The following LGR4 variants were observed in gnomAD, a reference collection of about 807,000 sequenced individuals.
LGR4 encodes the protein leucine rich repeat containing G protein-coupled receptor 4.
In LGR4, 44 loss-of-function variants were observed where a neutral mutation model predicts 84.8. The observed-to-expected ratio is 0.52, with a 90% CI of 0.41 to 0.67. The LOEUF (loss-of-function observed/expected upper bound fraction) is 0.67. LGR4 is among the 30% of genes least tolerant of loss of function. The pLI, the probability that LGR4 is intolerant of heterozygous loss-of-function variation, is 0.00. For missense variants in LGR4, 1,032 were observed against 1,131.4 expected, an observed-to-expected ratio of 0.91 and a Z score of 1.26; for synonymous variants, 429 against 434.3, an observed-to-expected ratio of 0.99 and a Z score of 0.15.
chr11:27,429,019 T>C (rs1054791195), intron 1 of LGR4, among the ~76,000 whole-genome samples: 2 of 151,750 alleles, frequency 1.3e-5, no homozygotes, highest in Non-Finnish European at 2.9e-5. Context: ...CAGCAGGGAG[T>C]TGTAACTTCA....
intron 1 of LGR4, among the ~76,000 whole-genome samples, chr11:27,457,587 C>CT (rs1275995261): frequency 1.3e-5 from 2 of 152,192 alleles, no homozygotes; most frequent in African/African-American, 4.8e-5. Context: ...TCACCACAGT[C>CT]TAAGACATTA....
chr11:27,392,172 G>A (rs1863297780), intron 3 of LGR4, among the ~76,000 whole-genome samples: 1 of 152,040 alleles, frequency 6.6e-6, no homozygotes, highest in African/African-American at 2.4e-5. Flanking sequence ...CTGAAGTAAG[G>A]GTTTGCTCCA....
intron 17 of LGR4, among the ~76,000 whole-genome samples, chr11:27,370,647 G>A (rs369354737): frequency 1.3e-5 from 2 of 152,150 alleles, no homozygotes; most frequent in Non-Finnish European, 2.9e-5. Flanking sequence ...GCTCAGACCA[G>A]CTTTCCTCCT....
At chr11:27,453,542 T>C (rs1462055652) in intron 1 of LGR4, among the ~76,000 whole-genome samples, 2 of 152,168 alleles carry the variant, frequency 1.3e-5, no homozygotes, top group Non-Finnish European at 2.9e-5. Context: ...TAACATTACC[T>C]GACCTTTTAT....
chr11:27,391,673 A>C (rs1863286729), intron 3 of LGR4, among the ~76,000 whole-genome samples: 1 of 116,878 alleles, frequency 8.6e-6, no homozygotes, highest in Non-Finnish European at 2.0e-5. Flanking sequence ...TCCTCAATGC[A>C]TGTGGGGCCA....
intron 1 of LGR4, among the ~76,000 whole-genome samples, chr11:27,415,148 T>A (rs898141935): frequency 1.3e-5 from 2 of 152,064 alleles, no homozygotes; most frequent in East Asian, 3.9e-4. Flanking sequence ...AAAATAATGA[T>A]CCAAAATGAG....
intron 1 of LGR4, among the ~76,000 whole-genome samples, chr11:27,413,225 TA>T (rs1444713083): frequency 6.6e-6 from 1 of 152,064 alleles, no homozygotes; most frequent in African/African-American, 2.4e-5. Flanking sequence ...CTAGGAACGA[TA>T]TGTAGAATTT....
chr11:27,381,447 C>G (rs574092377), intron 7 of LGR4, among the ~76,000 whole-genome samples: 1 of 152,302 alleles, frequency 6.6e-6, no homozygotes, highest in East Asian at 1.9e-4. Flanking sequence ...GTAATCCCAG[C>G]ATTCTGAGGG....
intron 2 of LGR4, among the ~76,000 whole-genome samples, chr11:27,410,662 C>T (rs1327129841): frequency 6.6e-6 from 1 of 152,036 alleles, no homozygotes; most frequent in Non-Finnish European, 1.5e-5. Flanking sequence ...AATAAATTCT[C>T]TTGAGTGCCT....
chr11:27,453,429 T>C (rs1477052508), intron 1 of LGR4, among the ~76,000 whole-genome samples: 2 of 151,956 alleles, frequency 1.3e-5, no homozygotes, highest in Admixed American at 6.5e-5. Context: ...CCTATAGATA[T>C]TGACTAATTA....
chr11:27,379,134 TTC>T (rs1479260167), intron 10 of LGR4: 5 of 204,300 alleles, frequency 2.4e-5, no homozygotes, highest in African/African-American at 1.2e-4. Context: ...CAAATCTTGT[TTC>T]TGTCTTTTCT....
intron 6 of LGR4, 122 bp downstream of exon 6, chr11:27,384,214 T>C: frequency 1.5e-6 from 1 of 660,434 alleles, no homozygotes; most frequent in Non-Finnish European, 2.7e-6. Flanking sequence ...TTTAATCCAG[T>C]ATCAAAGTGA....
chr11:27,395,398 C>T (rs547680277), intron 2 of LGR4, among the ~76,000 whole-genome samples: 1 of 151,626 alleles, frequency 6.6e-6, no homozygotes, highest in Non-Finnish European at 1.5e-5. Context: ...TGGCAAAATG[C>T]AGAACACCTG....
At chr11:27,437,865 AG>A (rs551085917) in intron 1 of LGR4, among the ~76,000 whole-genome samples, 1 of 152,000 alleles carries the variant, frequency 6.6e-6, no homozygotes, top group Non-Finnish European at 1.5e-5. Context: ...TACAGCCAGG[AG>A]GGGTGGCGTG....
At chr11:27,451,463 AT>A in intron 1 of LGR4, among the ~76,000 whole-genome samples, 1 of 152,326 alleles carries the variant, frequency 6.6e-6, no homozygotes, top group South Asian at 2.1e-4. Flanking sequence ...TTGGAAGGAA[AT>A]TTCTCACTAG....
chr11:27,407,377 A>T (rs192440030), intron 2 of LGR4, among the ~76,000 whole-genome samples: 2 of 152,226 alleles, frequency 1.3e-5, no homozygotes, highest in East Asian at 1.9e-4. Context: ...CAATGACTTG[A>T]ATCAGATGAA....
intron 2 of LGR4, among the ~76,000 whole-genome samples, chr11:27,401,808 T>C (rs778170884): frequency 6.6e-6 from 1 of 152,188 alleles, no homozygotes; most frequent in African/African-American, 2.4e-5. Flanking sequence ...CAAGGTCATA[T>C]AGAAGTGTGA....
chr11:27,387,767 T>C (rs1863213430), intron 4 of LGR4, among the ~76,000 whole-genome samples: 1 of 152,172 alleles, frequency 6.6e-6, no homozygotes, highest in Non-Finnish European at 1.5e-5. Flanking sequence ...AAAGTTTAAA[T>C]TGTTTATTTT....
intron 17 of LGR4, 59 bp downstream of exon 17, chr11:27,371,556 A>C: frequency 8.8e-7 from 1 of 1,135,608 alleles, no homozygotes; most frequent in Non-Finnish European, 1.3e-6. Flanking sequence ...GGACATTTAG[A>C]TATATTTGCC....
Sources: gnomAD v4.1 joint callset for allele counts (sites outside exome capture counted in the v4.1 genomes callset) on GRCh38, gnomAD v4.1.1 for gene constraint, MANE v1.5 for transcripts, NCBI Gene and HGNC (gene_info 2026-07-23, HGNC 2026-07-21) for gene names.